The following TBL1Y variants were observed in gnomAD, a reference collection of about 807,000 sequenced individuals.
The protein encoded by TBL1Y is transducin beta like 1 Y-linked, also known as F-box-like/WD repeat-containing protein TBL1Y.
TBL1Y carries 15 observed loss-of-function variants against 12.0 expected under a neutral mutation model. The observed-to-expected ratio is 1.25, with a 90% CI of 0.83 to 1.92. TBL1Y has a LOEUF of 1.92. Ranked by LOEUF, TBL1Y falls within the 40% of genes most tolerant of loss-of-function variation. TBL1Y has a pLI of 0.00. For missense variants in TBL1Y, 148 were observed against 116.7 expected (o/e 1.27, Z -1.24); for synonymous variants, 53 against 42.6 (o/e 1.24, Z -0.95).
intron 6 of TBL1Y, among the ~76,000 whole-genome samples, chrY:7,036,991 C>A (rs760867235): frequency 1.8e-4 from 6 of 33,544 alleles, no homozygotes; most frequent in African/African-American, 3.5e-4. Flanking sequence ...TGCCTGATGC[C>A]GAGAATGCAC....
At chrY:6,934,059 T>C in intron 2 of TBL1Y, among the ~76,000 whole-genome samples, 1 of 31,510 alleles carries the variant, frequency 3.2e-5, no homozygotes, top group Non-Finnish European at 7.7e-5. Flanking sequence ...AAAGCAAAAA[T>C]GATAAGACTT....
intron 2 of TBL1Y, among the ~76,000 whole-genome samples, chrY:6,975,913 G>A: frequency 3.2e-5 from 1 of 31,488 alleles, no homozygotes. Flanking sequence ...GTGTGTGTGT[G>A]TGTGTGTGTG....
intron 14 of TBL1Y, among the ~76,000 whole-genome samples, chrY:7,081,504 C>A (rs2013099018): frequency 3.0e-5 from 1 of 33,414 alleles, no homozygotes; most frequent in Admixed American, 2.7e-4. Flanking sequence ...AGTATAATGT[C>A]GCAATTGAAA....
At chrY:7,005,305 T>C in intron 4 of TBL1Y, among the ~76,000 whole-genome samples, 1 of 32,903 alleles carries the variant, frequency 3.0e-5, no homozygotes, top group African/African-American at 1.2e-4. Flanking sequence ...TGTGTATGCC[T>C]GTAGTTCCAG....
chrY:6,927,968 A>G, intron 2 of TBL1Y, among the ~76,000 whole-genome samples: 1 of 33,097 alleles, frequency 3.0e-5, no homozygotes, highest in East Asian at 8.0e-4. Context: ...TAAATGTAGA[A>G]ATTACACACA....
chrY:6,976,943 G>T (rs754814815), intron 2 of TBL1Y, among the ~76,000 whole-genome samples: 31 of 33,699 alleles, frequency 9.2e-4, no homozygotes, highest in South Asian at 2.7e-3. Flanking sequence ...ACCAGAAAAG[G>T]CTCTGAGGCC....
In TBL1Y at chrY:7,063,971, G is replaced by C. The variant is rs748542770; in HGVS notation, c.279G>C (p.Gln93His). Residue 93 changes from glutamine (Q) to histidine (H), a missense_variant, in exon 8 of 19, where the codon CAG becomes CAC. Coordinates refer to ENST00000383032, the MANE Select transcript of TBL1Y (RefSeq NM_033284.2). ...LIVAVIPDVV[Q>H]MRQQAFGEKL... ...TTGCTGTGATTCCTGATGTGGTGCA[G>C]ATGCGGCAGCAGGCATTTGGAGAGA... 6 of 396,367 alleles carry C rather than the reference G, an allele frequency of 1.5e-5. No individual in the cohort carries two copies. The highest frequency in any genetic ancestry group is 6.4e-5 in the African/African-American group (1 of 15,606).
At chrY:7,069,926 G>A (rs374093411) in intron 8 of TBL1Y, among the ~76,000 whole-genome samples, 11 of 33,119 alleles carry the variant, frequency 3.3e-4, no homozygotes, top group African/African-American at 1.3e-3. Flanking sequence ...TACTGTCCTT[G>A]ACCTCCCAAA....
intron 4 of TBL1Y, among the ~76,000 whole-genome samples, chrY:7,001,887 G>A (rs888010027): frequency 2.4e-4 from 8 of 34,015 alleles, no homozygotes; most frequent in African/African-American, 9.2e-4. Flanking sequence ...AATAGCTCTC[G>A]CTGCAAGCCC....
intron 7 of TBL1Y, among the ~76,000 whole-genome samples, chrY:7,060,154 A>G: frequency 3.0e-5 from 1 of 33,500 alleles, no homozygotes; most frequent in African/African-American, 1.2e-4. Context: ...AAATATATAT[A>G]TTTTTACCCT....
At chrY:6,920,352 A>G in intron 2 of TBL1Y, 1 of 34,077 alleles carries the variant, frequency 2.9e-5, no homozygotes, top group Admixed American at 2.7e-4. Context: ...AACAGGACGT[A>G]TATTCATGAA....
At chrY:7,087,475 T>G (rs769679855) in intron 17 of TBL1Y, 43 bp downstream of exon 17, 1 of 374,480 alleles carries the variant, frequency 2.7e-6, no homozygotes, top group African/African-American at 6.7e-5. Context: ...AAGGGATGCC[T>G]GAACAGCCAC....
At chrY:7,060,647 C>T (rs993437608) in intron 7 of TBL1Y, among the ~76,000 whole-genome samples, 1 of 32,625 alleles carries the variant, frequency 3.1e-5, no homozygotes, top group Non-Finnish European at 7.5e-5. Context: ...TGTTGAAAAC[C>T]GTGTAAGTTT....
intron 8 of TBL1Y, among the ~76,000 whole-genome samples, chrY:7,064,915 AG>A (rs2012966547): frequency 6.0e-5 from 2 of 33,565 alleles, no homozygotes; most frequent in Non-Finnish European, 1.5e-4. Flanking sequence ...TGTGACATAA[AG>A]GTTGTCTGCT....
At chrY:7,026,055 A>G in intron 6 of TBL1Y, among the ~76,000 whole-genome samples, 1 of 33,187 alleles carries the variant, frequency 3.0e-5, no homozygotes, top group Non-Finnish European at 7.4e-5. Context: ...AGAATGGCTC[A>G]AGATGTGATC....
intron 2 of TBL1Y, among the ~76,000 whole-genome samples, chrY:6,924,379 G>A: frequency 2.2e-4 from 7 of 31,921 alleles, no homozygotes. Flanking sequence ...ACGAGGTCAG[G>A]AGATTGAGAC....
At chrY:6,965,662 CT>C (rs2012163907) in intron 2 of TBL1Y, among the ~76,000 whole-genome samples, 1 of 33,684 alleles carries the variant, frequency 3.0e-5, no homozygotes, top group Non-Finnish European at 7.4e-5. Flanking sequence ...AATACTGCCC[CT>C]GATGGAAGTA....
chrY:7,006,050 A>G, intron 4 of TBL1Y, among the ~76,000 whole-genome samples: 1 of 33,719 alleles, frequency 3.0e-5, no homozygotes, highest in Non-Finnish European at 7.4e-5. Context: ...CCTTCGACAT[A>G]TCATTTAAGG....
intron 2 of TBL1Y, among the ~76,000 whole-genome samples, chrY:6,927,811 C>CT (rs1375251396): frequency 6.4e-4 from 19 of 29,765 alleles, no homozygotes; most frequent in Non-Finnish European, 1.2e-3. Flanking sequence ...TTAAATCTGG[C>CT]TTTTTTTTTT....
Sources: allele counts gnomAD v4.1 joint callset (sites outside exome capture counted in the v4.1 genomes callset), GRCh38; gene constraint gnomAD v4.1.1; transcripts MANE v1.5; gene names NCBI Gene and HGNC (gene_info 2026-07-23, HGNC 2026-07-21).